ARHGAP22: variants seen among roughly 807,000 people sequenced by gnomAD.
ARHGAP22 encodes the protein rho GTPase-activating protein 22.
A neutral mutation model predicts 59.1 loss-of-function variants in ARHGAP22; 48 were observed. The ratio of observed to expected loss-of-function variants is 0.81; its 90% confidence interval spans 0.64 to 1.03. The LOEUF is 1.03. ARHGAP22 is among the 50% of genes least tolerant of loss of function. The pLI is 0.00. For missense variants in ARHGAP22, 1,015 were observed against 958.7 expected (o/e 1.06, Z -0.78); for synonymous variants, 445 against 416.4 (o/e 1.07, Z -0.84).
At chr10:48,598,429 C>T (rs55755207) in intron 1 of ARHGAP22, among the ~76,000 whole-genome samples, 17,119 of 151,936 alleles carry the variant, frequency 0.11, 3,186 homozygotes, top group African/African-American at 0.39. Context: ...CTCTGCAGGG[C>T]GGGGAGGTGC....
At chr10:48,645,692 A>C (rs1452742290) in intron 1 of ARHGAP22, among the ~76,000 whole-genome samples, 1 of 152,216 alleles carries the variant, frequency 6.6e-6, no homozygotes, top group Non-Finnish European at 1.5e-5. Flanking sequence ...GACCAATATC[A>C]TATGTAACCA....
chr10:48,641,366 C>T (rs1437315045), intron 1 of ARHGAP22, among the ~76,000 whole-genome samples: 1 of 152,080 alleles, frequency 6.6e-6, no homozygotes, highest in African/African-American at 2.4e-5. Flanking sequence ...TTCAAAGACA[C>T]AAACTGGTTA....
chr10:48,533,304 G>A (rs923421377), intron 3 of ARHGAP22, among the ~76,000 whole-genome samples: 17 of 151,750 alleles, frequency 1.1e-4, no homozygotes, highest in South Asian at 2.1e-4. Context: ...CATAAGGACT[G>A]GTATTCTTTT....
intron 6 of ARHGAP22, 97 bp downstream of exon 6, chr10:48,454,905 C>T: frequency 7.1e-7 from 1 of 1,401,670 alleles, no homozygotes; most frequent in South Asian, 1.7e-5. Flanking sequence ...ATCCATGTGC[C>T]ATGAAAATTC....
chr10:48,516,299 A>G (rs2134635954), intron 3 of ARHGAP22, among the ~76,000 whole-genome samples: 2 of 152,308 alleles, frequency 1.3e-5, no homozygotes, highest in Middle Eastern at 3.4e-3. Flanking sequence ...CCAAGGCAGG[A>G]GGACTGCTTG....
At chr10:48,605,264 C>T, upstream of ARHGAP22, 1 of 672,584 alleles carries the variant, frequency 1.5e-6, no homozygotes, top group Non-Finnish European at 1.8e-6. Flanking sequence ...CTTTCAGCCG[C>T]CGCCTGGGAG....
intron 1 of ARHGAP22, among the ~76,000 whole-genome samples, chr10:48,630,556 A>G (rs2061596816): frequency 6.6e-6 from 1 of 152,224 alleles, no homozygotes; most frequent in African/African-American, 2.4e-5. Flanking sequence ...TTTTATGCTA[A>G]TGTAAATGGT....
intron 3 of ARHGAP22, among the ~76,000 whole-genome samples, chr10:48,551,484 A>G (rs1486312093): frequency 1.1e-4 from 17 of 152,186 alleles, no homozygotes; most frequent in African/African-American, 3.4e-4. Flanking sequence ...TGAAAAGCAA[A>G]TCTTGTGTGT....
At chr10:48,591,572 C>T (rs990895065) in intron 1 of ARHGAP22, among the ~76,000 whole-genome samples, 30 of 151,414 alleles carry the variant, frequency 2.0e-4, no homozygotes, top group Admixed American at 1.8e-3. Flanking sequence ...TAGATAGGTA[C>T]TTTTTTTTTA....
the ARHGAP22 span, chr10:48,434,783 C>T: frequency 4.0e-5 from 42 of 1,062,452 alleles, no homozygotes; most frequent in Non-Finnish European, 5.2e-5. Context: ...CCTTCGAAAC[C>T]CAAGAGAAAA....
chr10:48,651,504 C>G (rs1259174839), intron 1 of ARHGAP22, among the ~76,000 whole-genome samples: 1 of 151,936 alleles, frequency 6.6e-6, no homozygotes, highest in Non-Finnish European at 1.5e-5. Flanking sequence ...CAGTCAGCAC[C>G]TGCACAATCC....
intron 3 of ARHGAP22, among the ~76,000 whole-genome samples, chr10:48,516,529 A>AAAATAAAT (rs59502469): frequency 1.3e-3 from 200 of 150,604 alleles, no homozygotes; most frequent in Non-Finnish European, 1.7e-3. Context: ...CCCTGTCTCA[A>AAAATAAAT]AAATAAATAA....
chr10:48,441,743 C>T (rs531475369), downstream of ARHGAP22, among the ~76,000 whole-genome samples: 13 of 152,270 alleles, frequency 8.5e-5, 1 homozygote, highest in South Asian at 1.2e-3. Flanking sequence ...TGAGCCACCG[C>T]GCCCGGCCAG....
At chr10:48,483,101 GATTTC>G (rs2049489635) in intron 3 of ARHGAP22, among the ~76,000 whole-genome samples, 1 of 152,030 alleles carries the variant, frequency 6.6e-6, no homozygotes, top group African/African-American at 2.4e-5. Context: ...CAAATGACAC[GATTTC>G]ATTCCTTTTC....
In ARHGAP22 at chr10:48,541,593, C is replaced by T. The variant is rs545876029; in HGVS notation, c.322+13870G>A. ...GGCGGCATCCTGGAGCCCCCAAAGG[C>T]AATGGAAGTGTCCCCCTGTGTAGAA... On this transcript the variant is annotated intron_variant, in intron 3 of 9. Coordinates refer to ENST00000249601, the MANE Select transcript of ARHGAP22 (RefSeq NM_021226.4). Among the ~76,000 whole-genome samples the T allele has an allele frequency of 2.6e-5, 4 of 152,320 alleles. No homozygotes were observed. The South Asian group carries it at 8.3e-4, about 32-fold the overall frequency.
chr10:48,431,312 C>A, the ARHGAP22 span: 2 of 1,363,344 alleles, frequency 1.5e-6, no homozygotes, highest in Non-Finnish European at 2.1e-6. Context: ...CAGTTTACTT[C>A]TTGTGTTGTA....
chr10:48,623,197 C>T (rs990070925), intron 1 of ARHGAP22, among the ~76,000 whole-genome samples: 2 of 152,184 alleles, frequency 1.3e-5, no homozygotes, highest in Non-Finnish European at 2.9e-5. Flanking sequence ...TGCCTTTAAC[C>T]AGCCTGCCAT....
intron 1 of ARHGAP22, among the ~76,000 whole-genome samples, chr10:48,596,374 G>C (rs2060067408): frequency 6.6e-6 from 1 of 152,120 alleles, no homozygotes; most frequent in South Asian, 2.1e-4. Context: ...AGATCTTGCT[G>C]TCATCTATAA....
intron 1 of ARHGAP22, chr10:48,652,210 C>T: frequency 1.3e-6 from 2 of 1,529,706 alleles, no homozygotes; most frequent in Non-Finnish European, 1.8e-6. Context: ...TCATTTCCCA[C>T]ATAGAACATA....
Sources: allele counts gnomAD v4.1 joint callset (sites outside exome capture counted in the v4.1 genomes callset), GRCh38; gene constraint gnomAD v4.1.1; transcripts MANE v1.5; gene names NCBI Gene and HGNC (gene_info 2026-07-23, HGNC 2026-07-21).